TBC1D4: variants seen among roughly 807,000 people sequenced by gnomAD.
TBC1D4 encodes the protein TBC1 domain family member 4.
In TBC1D4, 121 loss-of-function variants were observed where a neutral mutation model predicts 142.5. The observed-to-expected ratio is 0.85, with a 90% CI of 0.73 to 0.99. The LOEUF (loss-of-function observed/expected upper bound fraction) is 0.99, where lower values mean the gene tolerates loss of function less well. Ranked by LOEUF, TBC1D4 falls within the 50% of genes least tolerant of loss-of-function variation. The pLI, the probability that TBC1D4 is intolerant of heterozygous loss-of-function variation, is 0.00. For synonymous variants in TBC1D4, 630 were observed against 628.2 expected, an observed-to-expected ratio of 1.00 and a Z score of -0.04; for missense variants, 1,475 against 1,606.6, an observed-to-expected ratio of 0.92 and a Z score of 1.40.
intron 14 of TBC1D4, among the ~76,000 whole-genome samples, 180 bp downstream of exon 14, chr13:75,309,762 C>T (rs934570984): frequency 2.0e-5 from 3 of 152,154 alleles, no homozygotes; most frequent in Non-Finnish European, 4.4e-5. Context: ...GCTGACCTTT[C>T]CCATGTTATA....
At position 75,326,925 on chromosome 13, in the gene TBC1D4, T is replaced by C. The variant is rs528212755; in HGVS notation, c.1807-502A>G. ...ACAATGCCTAAGTGTCCAAGTCTCA[T>C]GGCAAAGCCTTCCGGAAAATAAAGT... is the stretch of plus-strand genomic sequence containing the variant. On this transcript the variant is annotated intron_variant, in intron 9 of 20. Coordinates refer to ENST00000377636, the MANE Select transcript of TBC1D4 (RefSeq NM_014832.5). Among the ~76,000 whole-genome samples the C allele has an allele frequency of 2.0e-5, 3 of 152,318 alleles. No individual in the cohort carries two copies. In the East Asian group the frequency reaches 5.8e-4, roughly 29 times the overall value.
chr13:75,286,795 T>C lies in TBC1D4; in HGVS notation c.3894A>G (p.Pro1298=), dbSNP rs775917458. The part of the protein sequence containing the change: ...PNNKAKIGNK[P] Reference sequence around the variant, plus strand: ...TGCTGAGGCCGTGCCTCTTCAATTATGGCTTATTTCCTATCTTGGCTTTGT... The same window carrying C: ...TGCTGAGGCCGTGCCTCTTCAATTACGGCTTATTTCCTATCTTGGCTTTGT... The change falls in exon 21 of 21, where the codon CCA becomes CCG. Residue 1298 remains proline (P), a synonymous_variant. Coordinates refer to ENST00000377636, the MANE Select transcript of TBC1D4 (RefSeq NM_014832.5). 2.5e-6 allele frequency: 4 copies of C among 1,613,568 alleles called. No individual in the cohort carries two copies. The South Asian group carries it at 3.3e-5, about 13-fold the overall frequency.
At chr13:75,314,691 C>G (rs1878114394) in intron 12 of TBC1D4, among the ~76,000 whole-genome samples, 2 of 152,048 alleles carry the variant, frequency 1.3e-5, no homozygotes, top group South Asian at 4.2e-4. Flanking sequence ...AGTGGCCAGG[C>G]ACGGTGGCTC....
chr13:75,323,750 T>C (rs73531926), intron 11 of TBC1D4, among the ~76,000 whole-genome samples: 3,218 of 152,236 alleles, frequency 0.021, 116 homozygotes, highest in African/African-American at 0.073. Flanking sequence ...GAAAAGTCTG[T>C]CATTGAAAAA....
intron 17 of TBC1D4, among the ~76,000 whole-genome samples, chr13:75,298,413 C>A (rs1876172605): frequency 6.6e-6 from 1 of 152,164 alleles, no homozygotes; most frequent in South Asian, 2.1e-4. Flanking sequence ...GCAGTTAATA[C>A]CCCACTCAAA....
intron 1 of TBC1D4, among the ~76,000 whole-genome samples, chr13:75,462,092 C>T (rs1887992958): frequency 6.6e-6 from 1 of 152,152 alleles, no homozygotes; most frequent in Non-Finnish European, 1.5e-5. Flanking sequence ...GTGACAACTA[C>T]AAAATTCTCA....
intron 10 of TBC1D4, among the ~76,000 whole-genome samples, chr13:75,325,018 T>G (rs990221830): frequency 6.6e-6 from 1 of 152,162 alleles, no homozygotes; most frequent in African/African-American, 2.4e-5. Flanking sequence ...TTTATAGTGA[T>G]AGAAATTGTT....
chr13:75,435,750 T>C (rs2138178391), intron 1 of TBC1D4, among the ~76,000 whole-genome samples: 1 of 152,242 alleles, frequency 6.6e-6, no homozygotes, highest in Admixed American at 6.5e-5. Context: ...GCTAGGTAAG[T>C]ATAAAATAAG....
chr13:75,335,557 A>G (rs144239840), intron 8 of TBC1D4, among the ~76,000 whole-genome samples: 4 of 152,250 alleles, frequency 2.6e-5, no homozygotes, highest in East Asian at 1.9e-4. Flanking sequence ...GTAATTCCCA[A>G]TGTTGGAGGT....
chr13:75,414,603 GTGTGTAGGTGTGGTC>G (rs1310750516), intron 1 of TBC1D4, among the ~76,000 whole-genome samples: 7 of 152,078 alleles, frequency 4.6e-5, no homozygotes, highest in Non-Finnish European at 1.0e-4. Flanking sequence ...ATGCAGGATG[GTGTGTAGGTGTGGTC>G]TGTGTGGGTG....
chr13:75,324,165 C>T, intron 11 of TBC1D4, 72 bp downstream of exon 11: 3 of 1,571,564 alleles, frequency 1.9e-6, no homozygotes, highest in Non-Finnish European at 1.8e-6. Context: ...AATTAATCAA[C>T]CACTTTTTAG....
chr13:75,394,406 A>G (rs1294634167), intron 1 of TBC1D4, among the ~76,000 whole-genome samples: 1 of 152,236 alleles, frequency 6.6e-6, no homozygotes, highest in Non-Finnish European at 1.5e-5. Context: ...AGGAAACGAC[A>G]TTATTAAACA....
chr13:75,395,506 T>C (rs1377668520), intron 1 of TBC1D4, among the ~76,000 whole-genome samples: 1 of 152,196 alleles, frequency 6.6e-6, no homozygotes. Context: ...AGCAAAATCA[T>C]AGTTTATGAA....
chr13:75,433,968 C>G lies in TBC1D4; in HGVS notation c.498+47302G>C, dbSNP rs537767118. Among the ~76,000 whole-genome samples the G allele has an allele frequency of 4.6e-5, 7 of 152,322 alleles. No individual in the cohort carries two copies. In the South Asian group the frequency reaches 1.5e-3, roughly 32 times the overall value. ...AATCAAAACCACAGTGAGATACCAT[C>G]TCTCATCAGTCAGAATGGCTATTAC... On this transcript the variant is annotated intron_variant, in intron 1 of 20. Transcript: ENST00000377636.
chr13:75,309,899 T>C (rs1283855668), intron 14 of TBC1D4, 43 bp downstream of exon 14: 6 of 1,603,562 alleles, frequency 3.7e-6, no homozygotes, highest in Non-Finnish European at 5.1e-6. Context: ...CATACACCCT[T>C]CAATCATAGC....
At chr13:75,303,512 G>A (rs996772920) in intron 15 of TBC1D4, among the ~76,000 whole-genome samples, 2 of 152,160 alleles carry the variant, frequency 1.3e-5, no homozygotes, top group Non-Finnish European at 2.9e-5. Flanking sequence ...GGGAAATGAA[G>A]TAAGCACTGG....
chr13:75,411,738 G>A (rs535664735), intron 1 of TBC1D4, among the ~76,000 whole-genome samples: 41 of 150,720 alleles, frequency 2.7e-4, no homozygotes, highest in South Asian at 4.2e-4. Flanking sequence ...GGGTTTCACC[G>A]TGTTGGCCAG....
intron 3 of TBC1D4, among the ~76,000 whole-genome samples, chr13:75,357,284 A>G (rs1361745025): frequency 2.0e-5 from 3 of 152,200 alleles, no homozygotes; most frequent in Admixed American, 6.5e-5. Context: ...TAAAAAGAAA[A>G]AGTCAGTACA....
In TBC1D4 at chr13:75,320,011, C is replaced by T. The variant is rs756579195; in HGVS notation, c.2222+3G>A. 4.3e-6 allele frequency: 7 copies of T among 1,612,728 alleles called. No individual in the cohort carries two copies. The Admixed American group carries it at 8.3e-5, about 19-fold the overall frequency. On this transcript the variant is annotated splice_donor_region_variant and intron_variant, in intron 12 of 20. Transcript: ENST00000377636. ...AAATAAAAATACGTAGACCTCTAAT[C>T]ACCTTGATTCTGAAGCAGTGTCTTG...
Sources: allele counts gnomAD v4.1 joint callset (sites outside exome capture counted in the v4.1 genomes callset), GRCh38; gene constraint gnomAD v4.1.1; transcripts MANE v1.5; gene names NCBI Gene and HGNC (gene_info 2026-07-23, HGNC 2026-07-21).